Variants in TASP1 observed in about 807,000 individuals in gnomAD.
TASP1 encodes threonine aspartase 1.
TASP1 carries 16 observed loss-of-function variants against 56.6 expected under a neutral mutation model. The observed-to-expected ratio is 0.28, with a 90% CI of 0.19 to 0.43. The LOEUF (loss-of-function observed/expected upper bound fraction) is 0.43. Ranked by LOEUF, TASP1 falls within the 20% of genes least tolerant of loss-of-function variation. The pLI is 1.00. For synonymous variants in TASP1, 179 were observed against 184.2 expected, an observed-to-expected ratio of 0.97 and a Z score of 0.23; for missense variants, 393 against 511.6, an observed-to-expected ratio of 0.77 and a Z score of 2.24.
the TASP1 span, among the ~76,000 whole-genome samples, chr20:13,174,786 A>G: frequency 6.6e-6 from 1 of 152,092 alleles, no homozygotes; most frequent in African/African-American, 2.4e-5. Flanking sequence ...TTAAAAATGT[A>G]CAGGTCTCTT....
At chr20:13,487,687 A>G (rs993251558) in intron 10 of TASP1, among the ~76,000 whole-genome samples, 1 of 152,130 alleles carries the variant, frequency 6.6e-6, no homozygotes, top group Admixed American at 6.6e-5. Flanking sequence ...AAAAAATTCC[A>G]ACCCCCAACT....
intron 11 of TASP1, among the ~76,000 whole-genome samples, chr20:13,461,223 C>T (rs1025230088): frequency 1.3e-5 from 2 of 152,140 alleles, no homozygotes; most frequent in African/African-American, 4.8e-5. Context: ...GGAAACTTAC[C>T]CTGACCATGC....
At chr20:13,355,844 G>C in the TASP1 span, among the ~76,000 whole-genome samples, 1 of 152,126 alleles carries the variant, frequency 6.6e-6, no homozygotes, top group African/African-American at 2.4e-5. Flanking sequence ...GCTCTCCCAA[G>C]CCCCTAGTCC....
chr20:13,151,336 A>G, the TASP1 span, among the ~76,000 whole-genome samples: 1 of 152,198 alleles, frequency 6.6e-6, no homozygotes, highest in African/African-American at 2.4e-5. Flanking sequence ...AGCTCCTATG[A>G]TAGACCAGTG....
At chr20:13,513,731 C>A (rs1385209628) in intron 10 of TASP1, among the ~76,000 whole-genome samples, 4 of 152,080 alleles carry the variant, frequency 2.6e-5, no homozygotes, top group African/African-American at 4.8e-5. Context: ...TGAAAACTGT[C>A]TATGAACTTG....
chr20:13,126,044 T>C, the TASP1 span, among the ~76,000 whole-genome samples: 1 of 152,310 alleles, frequency 6.6e-6, no homozygotes, highest in South Asian at 2.1e-4. Context: ...CCCTTAATTA[T>C]CTTCATTCTT....
intron 12 of TASP1, among the ~76,000 whole-genome samples, chr20:13,426,783 C>T (rs1427751498): frequency 6.6e-6 from 1 of 152,124 alleles, no homozygotes; most frequent in Non-Finnish European, 1.5e-5. Context: ...TCCATCTGAT[C>T]CTTAAATAAG....
At position 13,468,304 on chromosome 20, in the gene TASP1, T is replaced by C. The variant is rs58680315; in HGVS notation, c.985+14923A>G. Among the ~76,000 whole-genome samples the C allele has an allele frequency of 5.0e-3, 755 of 152,292 alleles. 4 individuals are homozygous for C. Among genetic ancestry groups the C allele is most frequent in the African/African-American group, 0.015 (612 of 41,574 alleles). ...ATCACCAATGTCATTATGCCTCAGA[T>C]AGACTATTTGAGAAGTATGCCACAT... On this transcript the variant is annotated intron_variant, in intron 11 of 13. Transcript: ENST00000337743.
At chr20:13,434,377 GT>G (rs1245428981) in intron 12 of TASP1, among the ~76,000 whole-genome samples, 1 of 152,148 alleles carries the variant, frequency 6.6e-6, no homozygotes, top group Non-Finnish European at 1.5e-5. Context: ...CAACCCTGTG[GT>G]CAGCGGCAGC....
the TASP1 span, among the ~76,000 whole-genome samples, chr20:13,334,990 C>A: frequency 2.6e-5 from 4 of 152,286 alleles, no homozygotes; most frequent in Non-Finnish European, 4.4e-5. Context: ...AACAGAGCAG[C>A]TTCACTCTGC....
At chr20:13,435,885 G>A (rs2042985268) in intron 11 of TASP1, among the ~76,000 whole-genome samples, 1 of 152,078 alleles carries the variant, frequency 6.6e-6, no homozygotes, top group Non-Finnish European at 1.5e-5. Flanking sequence ...CAATCAAATT[G>A]GATTTGGTGG....
chr20:13,295,009 T>C, the TASP1 span, among the ~76,000 whole-genome samples: 541 of 152,252 alleles, frequency 3.6e-3, 2 homozygotes, highest in African/African-American at 0.012. Flanking sequence ...CCAATTTTTC[T>C]CTTCCTCGTT....
chr20:13,481,736 G>A (rs549685029), intron 11 of TASP1, among the ~76,000 whole-genome samples: 1 of 152,192 alleles, frequency 6.6e-6, no homozygotes, highest in Admixed American at 6.5e-5. Flanking sequence ...AGAAATGTCT[G>A]TTCAAATCTT....
the TASP1 span, chr20:13,244,131 G>A: frequency 1.3e-5 from 2 of 152,166 alleles, no homozygotes; most frequent in Non-Finnish European, 2.9e-5. Context: ...CCTCTCTTTT[G>A]TTCACAGACA....
At chr20:13,207,846 A>G in the TASP1 span, among the ~76,000 whole-genome samples, 1 of 152,158 alleles carries the variant, frequency 6.6e-6, no homozygotes, top group Non-Finnish European at 1.5e-5. Flanking sequence ...GACACATAAA[A>G]TCAATCATCA....
the TASP1 span, among the ~76,000 whole-genome samples, chr20:13,148,166 A>T: frequency 6.6e-6 from 1 of 152,206 alleles, no homozygotes; most frequent in Non-Finnish European, 1.5e-5. Flanking sequence ...TATTTTTGGA[A>T]ATGCCACTGA....
At chr20:13,370,951 G>C in the TASP1 span, among the ~76,000 whole-genome samples, 1 of 152,034 alleles carries the variant, frequency 6.6e-6, no homozygotes, top group Non-Finnish European at 1.5e-5. Context: ...TGATTAGTTG[G>C]TATACAGTTA....
the TASP1 span, among the ~76,000 whole-genome samples, chr20:13,176,279 T>G: frequency 6.6e-6 from 1 of 152,196 alleles, no homozygotes; most frequent in Non-Finnish European, 1.5e-5. Context: ...CTTCCAGAAC[T>G]GTGTTGAATA....
intron 13 of TASP1, among the ~76,000 whole-genome samples, chr20:13,404,751 A>G (rs562268543): frequency 6.6e-6 from 1 of 152,364 alleles, no homozygotes; most frequent in South Asian, 2.1e-4. Context: ...TTAAGAATAA[A>G]AGAAAAATAT....
Sources: gnomAD v4.1 joint callset for allele counts (sites outside exome capture counted in the v4.1 genomes callset) on GRCh38, gnomAD v4.1.1 for gene constraint, MANE v1.5 for transcripts, NCBI Gene and HGNC (gene_info 2026-07-23, HGNC 2026-07-21) for gene names.